TALDO1: variants seen among roughly 807,000 people sequenced by gnomAD.
TALDO1 encodes the protein transaldolase 1.
Under a neutral mutation model 38.1 loss-of-function variants are expected in TALDO1, and 29 were observed. That is an observed-to-expected ratio of 0.76 (90% CI 0.57 to 1.04). The LOEUF is 1.04. Ranked by LOEUF, TALDO1 falls within the 50% of genes least tolerant of loss-of-function variation. The pLI is 0.00. For synonymous variants in TALDO1, 207 were observed against 176.8 expected, an observed-to-expected ratio of 1.17 and a Z score of -1.36; for missense variants, 499 against 438.1, an observed-to-expected ratio of 1.14 and a Z score of -1.24.
chr11:764,064 G>A, intron 6 of TALDO1, 120 bp downstream of exon 6: 1 of 1,380,040 alleles, frequency 7.2e-7, no homozygotes, highest in Non-Finnish European at 9.9e-7. Context: ...AGACATGAGG[G>A]TGAAGTAGAC....
chr11:764,700 A>G (rs945822657), intron 7 of TALDO1, 113 bp from the exon 8 acceptor site: 22 of 1,553,234 alleles, frequency 1.4e-5, no homozygotes, highest in East Asian at 2.2e-5. Flanking sequence ...CGTGGCCCCC[A>G]CACAGAGTGC....
intron 3 of TALDO1, 73 bp from the exon 4 acceptor site, chr11:760,049 C>T (rs2234023): frequency 1.2e-6 from 2 of 1,604,486 alleles, no homozygotes; most frequent in Non-Finnish European, 8.5e-7. Context: ...AGGCAGACAC[C>T]CGGCCTCCAG....
intron 2 of TALDO1, chr11:756,329 C>G: frequency 6.4e-6 from 2 of 312,168 alleles, no homozygotes; most frequent in Non-Finnish European, 1.2e-5. Flanking sequence ...CACTTACCTT[C>G]TGGCTGTCAT....
At chr11:749,406 A>AG (rs1329094383) in intron 1 of TALDO1, among the ~76,000 whole-genome samples, 3 of 151,824 alleles carry the variant, frequency 2.0e-5, no homozygotes, top group Non-Finnish European at 4.4e-5. Context: ...CGTCTCAAAA[A>AG]AAAAAAAAAA....
At chr11:763,697 G>A (rs995273984) in intron 5 of TALDO1, 50 bp from the exon 6 acceptor site, 6 of 1,599,320 alleles carry the variant, frequency 3.8e-6, no homozygotes, top group Middle Eastern at 1.7e-4. Context: ...GGGCAGGTGG[G>A]GTGGTACCTC....
intron 1 of TALDO1, among the ~76,000 whole-genome samples, chr11:753,384 A>G (rs1300405492): frequency 3.3e-5 from 5 of 151,328 alleles, no homozygotes; most frequent in African/African-American, 1.2e-4. Context: ...ACAAAAAACT[A>G]GCCGGCCGCA....
chr11:760,548 TTC>T, intron 4 of TALDO1: 3 of 422,068 alleles, frequency 7.1e-6, no homozygotes, highest in Non-Finnish European at 1.3e-5. Flanking sequence ...GATTCTGTCC[TTC>T]CTCTGTCCTG....
chr11:761,953 C>A (rs1862932149), intron 4 of TALDO1, among the ~76,000 whole-genome samples: 1 of 151,532 alleles, frequency 6.6e-6, no homozygotes, highest in Middle Eastern at 3.2e-3. Context: ...TGCCTGGCCT[C>A]ATTTGTGTGT....
intron 2 of TALDO1, chr11:756,321 C>A: frequency 2.9e-6 from 1 of 339,518 alleles, no homozygotes; most frequent in Non-Finnish European, 5.5e-6. Context: ...TCTGGTAACA[C>A]TTACCTTCTG....
chr11:748,577 C>T (rs992877863), intron 1 of TALDO1, among the ~76,000 whole-genome samples: 1 of 152,192 alleles, frequency 6.6e-6, no homozygotes, highest in Non-Finnish European at 1.5e-5. Context: ...AAGTGACTTC[C>T]TCTCTTTTCT....
In TALDO1 at chr11:764,817, G is replaced by C. The variant is rs772647470; in HGVS notation, c.986G>C (p.Arg329Pro). ...AVKLERMLTE[R>P]MFNAENGK ...TCGTGCTCTGTTTGTTTCTAGGAAC[G>C]AATGTTCAATGCAGAGAATGGAAAG... Residue 329 changes from arginine to proline, a missense_variant, in exon 8 of 8, where the codon CGA becomes CCA. Physicochemically the swap from Arg to Pro is moderately radical, Grantham distance 103. Transcript: ENST00000319006. The C allele has an allele frequency of 9.9e-6, 16 of 1,614,186 alleles. No individual in the cohort carries two copies. In the Admixed American group the frequency reaches 2.7e-4, roughly 27 times the overall value.
intron 1 of TALDO1, among the ~76,000 whole-genome samples, chr11:747,845 G>A (rs1365416234): frequency 6.6e-6 from 1 of 152,206 alleles, no homozygotes; most frequent in Non-Finnish European, 1.5e-5. Flanking sequence ...AGCAGGGCCG[G>A]GGGCAGCCGT....
intron 7 of TALDO1, 38 bp downstream of exon 7, chr11:764,471 C>T (rs1863013790): frequency 6.2e-7 from 1 of 1,603,234 alleles, no homozygotes; most frequent in African/African-American, 1.3e-5. Context: ...ATGCCAAGCC[C>T]TATGAGAGCC....
chr11:760,419 C>T (rs1469540011), intron 4 of TALDO1, 166 bp downstream of exon 4: 1 of 1,003,846 alleles, frequency 1.0e-6, no homozygotes, highest in Non-Finnish European at 1.5e-6. Context: ...CTAGATCTGC[C>T]CTCTGCTCCA....
chr11:764,188 G>A (rs1380114305), intron 6 of TALDO1, 100 bp from the exon 7 acceptor site: 1 of 1,599,624 alleles, frequency 6.3e-7, no homozygotes, highest in Non-Finnish European at 8.6e-7. Flanking sequence ...CCTGGCCCTG[G>A]TGGGAGATGC....
chr11:749,201 G>A (rs1862709151), intron 1 of TALDO1, among the ~76,000 whole-genome samples: 1 of 151,988 alleles, frequency 6.6e-6, no homozygotes, highest in Non-Finnish European at 1.5e-5. Flanking sequence ...TCAGGAGTTC[G>A]AGACCAGCCT....
chr11:756,345 T>G (rs959260407), intron 2 of TALDO1: 1 of 291,396 alleles, frequency 3.4e-6, no homozygotes, highest in Non-Finnish European at 6.6e-6. Context: ...GTCATTTTAT[T>G]TTTTACTTTT....
At chr11:758,177 A>C (rs956817389) in intron 2 of TALDO1, among the ~76,000 whole-genome samples, 1 of 152,142 alleles carries the variant, frequency 6.6e-6, no homozygotes, top group Non-Finnish European at 1.5e-5. Context: ...CCAGCTACTC[A>C]GGAGGTTGAG....
chr11:756,879 C>T (rs1197138423), intron 2 of TALDO1, among the ~76,000 whole-genome samples: 1 of 152,224 alleles, frequency 6.6e-6, no homozygotes, highest in Admixed American at 6.5e-5. Flanking sequence ...TTTGCAGTAG[C>T]TCCCCACTCC....
Sources: gnomAD v4.1 joint callset for allele counts (sites outside exome capture counted in the v4.1 genomes callset) on GRCh38, gnomAD v4.1.1 for gene constraint, MANE v1.5 for transcripts, NCBI Gene and HGNC (gene_info 2026-07-23, HGNC 2026-07-21) for gene names.